Variants in ACSL3 observed in about 807,000 individuals in gnomAD.
ACSL3 encodes the protein acyl-CoA synthetase long chain family member 3.
A neutral mutation model predicts 84.7 loss-of-function variants in ACSL3; 34 were observed. The observed-to-expected ratio is 0.40, with a 90% CI of 0.31 to 0.53. The LOEUF is 0.53. Among genes scored for constraint, ACSL3 ranks in the 20% least tolerant of loss-of-function variants. The probability of loss-of-function intolerance (pLI) is 0.48; values close to 1 mark genes in which losing one functional copy is unlikely to be tolerated. For missense variants in ACSL3, 680 were observed against 873.1 expected (o/e 0.78, Z 2.79); for synonymous variants, 315 against 299.4 (o/e 1.05, Z -0.54).
intron 8 of ACSL3, among the ~76,000 whole-genome samples, chr2:222,921,908 T>C (rs1049875684): frequency 5.3e-5 from 8 of 152,134 alleles, no homozygotes; most frequent in Non-Finnish European, 4.4e-5. Context: ...CAAGGAAACA[T>C]TGCCAGAGAT....
intron 1 of ACSL3, among the ~76,000 whole-genome samples, chr2:222,879,861 CTG>C (rs1574521789): frequency 6.6e-6 from 1 of 151,826 alleles, no homozygotes; most frequent in East Asian, 1.9e-4. Context: ...TCACTGGAGA[CTG>C]TTTCAGAATC....
chr2:222,914,785 A>T (rs932913502), intron 4 of ACSL3, among the ~76,000 whole-genome samples: 1 of 152,254 alleles, frequency 6.6e-6, no homozygotes, highest in African/African-American at 2.4e-5. Flanking sequence ...AAACTTTTCC[A>T]GCACAAATCA....
At chr2:222,934,480 AAC>A (rs770291290) in intron 15 of ACSL3, 48 bp from the exon 16 acceptor site, 2 of 1,415,996 alleles carry the variant, frequency 1.4e-6, no homozygotes, top group South Asian at 1.6e-5. Flanking sequence ...AACTGCAGTC[AAC>A]ACAGTTCACC....
At chr2:222,902,404 A>G (rs1188713537) in intron 3 of ACSL3, among the ~76,000 whole-genome samples, 1 of 152,232 alleles carries the variant, frequency 6.6e-6, no homozygotes, top group East Asian at 1.9e-4. Context: ...CATAAATTGC[A>G]TTCTGGGCTT....
intron 3 of ACSL3, among the ~76,000 whole-genome samples, chr2:222,905,422 A>C (rs1325814323): frequency 6.6e-6 from 1 of 152,200 alleles, no homozygotes; most frequent in East Asian, 1.9e-4. Flanking sequence ...TGGCCTCCCA[A>C]AGTGCTGGGA....
At chr2:222,925,865 G>A (rs114911838) in intron 11 of ACSL3, among the ~76,000 whole-genome samples, 1,623 of 152,226 alleles carry the variant, frequency 0.011, 15 homozygotes, top group African/African-American at 0.024. Context: ...TGTTAATAGA[G>A]TACATAGATT....
chr2:222,916,473 CGTGTTTTATGTATAATTTTCAGCG>C lies in ACSL3; in HGVS notation c.534_556+1del. ...GCCGAGTGGATGATAGCTGCACAGG[CGTGTTTTATGTATAATTTTCAGCG>C]TATGTAGACTTTCTTATCTTCTGGA... On this transcript the variant is annotated splice_donor_variant and coding_sequence_variant, in exon 5 of 17. Transcript: ENST00000357430. LOFTEE classifies it high-confidence loss of function. The C allele has an allele frequency of 6.2e-7, 1 of 1,606,866 alleles. No homozygotes were observed. The highest frequency in any genetic ancestry group is 1.7e-4 in the Middle Eastern group (1 of 6,024).
intron 1 of ACSL3, among the ~76,000 whole-genome samples, chr2:222,887,395 A>G (rs1473858645): frequency 1.3e-5 from 2 of 152,210 alleles, no homozygotes; most frequent in African/African-American, 4.8e-5. Context: ...ACATGCATGT[A>G]CAGGTGTTTT....
intron 13 of ACSL3, 143 bp downstream of exon 13, chr2:222,929,079 A>G (rs1696955927): frequency 3.4e-6 from 2 of 592,242 alleles, no homozygotes; most frequent in African/African-American, 1.9e-5. Context: ...ATCTCGAACT[A>G]TATGAATGCA....
In ACSL3 at chr2:222,941,530, T is replaced by C; in HGVS notation, c.2039T>C (p.Ile680Thr). ...SLEKFEIPVK[I>T]RLSPEPWTPE... ...GAAAAGTTTGAAATTCCAGTAAAAA[T>C]TCGTTTGAGTCCTGAACCGTGGACC... is the stretch of plus-strand genomic sequence containing the variant. Residue 680 changes from isoleucine (I) to threonine (T), a missense_variant, in exon 17 of 17, where the codon ATT (isoleucine) becomes ACT (threonine). This residue lies in a region of ACSL3 where 347 missense variants were observed against 525.7 expected (regional missense o/e 0.66). Coordinates refer to ENST00000357430, the MANE Select transcript of ACSL3 (RefSeq NM_004457.5). 6.2e-7 allele frequency: 1 copy of C among 1,609,040 alleles called. No homozygotes were observed. Among genetic ancestry groups the C allele is most frequent in the Middle Eastern group, 1.7e-4 (1 of 6,038 alleles).
chr2:222,930,333 T>C (rs1242671682), intron 13 of ACSL3, among the ~76,000 whole-genome samples: 1 of 151,916 alleles, frequency 6.6e-6, no homozygotes, highest in Non-Finnish European at 1.5e-5. Context: ...TTTCAAATAA[T>C]TTGTCTCTTG....
intron 1 of ACSL3, among the ~76,000 whole-genome samples, chr2:222,877,966 CATA>C (rs1217187082): frequency 2.0e-5 from 3 of 152,122 alleles, no homozygotes; most frequent in African/African-American, 7.2e-5. Flanking sequence ...AAGTCAAGAA[CATA>C]ATGTGTTTCT....
chr2:222,890,282 G>A (rs1695813615), intron 2 of ACSL3, among the ~76,000 whole-genome samples: 1 of 152,080 alleles, frequency 6.6e-6, no homozygotes, highest in African/African-American at 2.4e-5. Flanking sequence ...AAGAGAAAAG[G>A]AAACATCTAA....
At chr2:222,935,501 C>T (rs1013741081) in intron 16 of ACSL3, among the ~76,000 whole-genome samples, 1 of 152,160 alleles carries the variant, frequency 6.6e-6, no homozygotes, top group Non-Finnish European at 1.5e-5. Flanking sequence ...TGTCACCATG[C>T]CAGGCTCCAG....
At chr2:222,922,477 G>A (rs1312616822) in intron 8 of ACSL3, among the ~76,000 whole-genome samples, 6 of 152,146 alleles carry the variant, frequency 3.9e-5, no homozygotes, top group Non-Finnish European at 8.8e-5. Flanking sequence ...GCAAGTGTGC[G>A]CCTCCTTGCT....
Position 222,930,822 on chromosome 2 carries a change from C to A in ACSL3, c.1732+10C>A. The A allele has an allele frequency of 3.8e-6, 6 of 1,577,262 alleles. No homozygotes were observed. Among genetic ancestry groups the A allele is most frequent in the Non-Finnish European group, 5.2e-6 (6 of 1,163,116 alleles). On this transcript the variant is annotated intron_variant, in intron 14 of 16. Transcript: ENST00000357430. ...TGCTTAAAGATTATTGGTAAGTCAT[C>A]TAATATTTTTTTGAAAATGAATGTT...
chr2:222,917,826 A>G (rs1481115378), intron 5 of ACSL3: 2 of 342,008 alleles, frequency 5.8e-6, no homozygotes, highest in African/African-American at 2.1e-5. Context: ...AAATATCTTC[A>G]TCTTTAAAAA....
rs80034941 is a variant in ACSL3, at chr2:222,905,514, G to T, written c.-40-3219G>T. Among the ~76,000 whole-genome samples the T allele has an allele frequency of 9.4e-3, 1,434 of 152,280 alleles. 10 individuals are homozygous for T. The highest frequency in any genetic ancestry group is 0.015 in the Non-Finnish European group (1,038 of 68,022). On this transcript the variant is annotated intron_variant, in intron 3 of 16. Coordinates refer to ENST00000357430, the MANE Select transcript of ACSL3 (RefSeq NM_004457.5). ...CATGCAAAATTAAATTTTAGTGAGA[G>T]AACTTAGTTGGATAACATCTTTCTT...
intron 6 of ACSL3, among the ~76,000 whole-genome samples, 159 bp from the exon 7 acceptor site, chr2:222,918,905 A>G (rs563586930): frequency 1.2e-4 from 18 of 152,160 alleles, no homozygotes; most frequent in African/African-American, 3.4e-4. Context: ...CCAATACTTA[A>G]TCATCTGTAA....
Sources: allele counts gnomAD v4.1 joint callset (sites outside exome capture counted in the v4.1 genomes callset), GRCh38; gene constraint gnomAD v4.1.1; regional missense constraint gnomAD v4.1.1; transcripts MANE v1.5; gene names NCBI Gene and HGNC (gene_info 2026-07-23, HGNC 2026-07-21).